Variants in GGACT observed in about 807,000 individuals in gnomAD.
GGACT encodes gamma-glutamylaminecyclotransferase.
For missense variants in GGACT, 241 were observed against 233.2 expected, an observed-to-expected ratio of 1.03 and a Z score of -0.22; for synonymous variants, 118 against 115.3, an observed-to-expected ratio of 1.02 and a Z score of -0.15.
At chr13:100,547,324 C>T (rs558173903) in intron 2 of GGACT, among the ~76,000 whole-genome samples, 311 of 152,318 alleles carry the variant, frequency 2.0e-3, no homozygotes, top group Middle Eastern at 3.4e-3. Flanking sequence ...TACTTGCTGC[C>T]GCAGACACAG....
intron 2 of GGACT, among the ~76,000 whole-genome samples, chr13:100,554,578 G>A (rs941124427): frequency 4.6e-5 from 7 of 152,098 alleles, no homozygotes; most frequent in East Asian, 1.9e-4. Flanking sequence ...AAGGAATCAC[G>A]ATTAATATTT....
At chr13:100,585,277 A>G (rs1003340904) in intron 1 of GGACT, among the ~76,000 whole-genome samples, 5 of 152,194 alleles carry the variant, frequency 3.3e-5, no homozygotes, top group African/African-American at 4.8e-5. Flanking sequence ...CTGTGGGTGG[A>G]TTTTAAAACA....
intron 2 of GGACT, chr13:100,539,517 T>C (rs931528761): frequency 4.6e-6 from 1 of 216,204 alleles, no homozygotes; most frequent in East Asian, 1.1e-4. Context: ...ATTGATTTTC[T>C]TATATTGAAA....
chr13:100,532,138 T>C lies in GGACT; in HGVS notation c.454A>G (p.Asn152Asp). 6.9e-7 allele frequency: 1 copy of C among 1,447,496 alleles called. No individual in the cohort carries two copies. Among genetic ancestry groups the C allele is most frequent in the East Asian group, 2.5e-5 (1 of 39,638 alleles). The allele number at this position is 1,447,496 out of a possible 1,614,324, so 89.7% of individuals were successfully genotyped here. A position where few individuals can be genotyped will look rare whatever the true frequency, so the allele number is the denominator to read the frequency against. ...CACCCTGCCCGTCCCCCTTATCTGTTCTCCCGGGGGTTGTAGCGCAGCCCG... is the reference window on the plus strand; with the variant it reads ...CACCCTGCCCGTCCCCCTTATCTGTCCTCCCGGGGGTTGTAGCGCAGCCCG... ...PHGLRYNPRE[N>D]R The change falls in exon 3 of 3, where the codon AAC becomes GAC. Residue 152 changes from asparagine (N) to aspartate (D), a missense_variant. Coordinates refer to ENST00000683975, the MANE Select transcript of GGACT (RefSeq NM_001195087.2).
rs1470536889 is a variant in GGACT at position 100,550,342 on chromosome 13, ACACACACACAC to A, written c.-10-17752_-10-17742del. On this transcript the variant is annotated intron_variant, in intron 2 of 2. Coordinates refer to ENST00000683975, the MANE Select transcript of GGACT (RefSeq NM_001195087.2). ...CACACACACACACACACACACACACACACACACACACACCACTGGCCCTTCTAAGGAAACTG... is the reference window on the plus strand; with the variant it reads ...CACACACACACACACACACACACACAACCACTGGCCCTTCTAAGGAAACTG... 5.7e-4 allele frequency among the ~76,000 whole-genome samples: 30 copies of A among 53,060 alleles called. 1 individual carries two copies. The highest frequency in any genetic ancestry group is 1.0e-3 in the Non-Finnish European group (25 of 23,948). 34.8% of individuals were successfully genotyped at this position (53,060 alleles called of 152,430 possible).
rs2088589462 is a variant in GGACT, at chr13:100,544,779, C to T, written c.-10-12178G>A. 2.0e-5 allele frequency among the ~76,000 whole-genome samples: 3 copies of T among 152,242 alleles called. No individual in the cohort carries two copies. In the South Asian group the frequency reaches 6.2e-4, roughly 32 times the overall value. ...ACTTTAAAGGCAATTGTGTTGCCAC[C>T]TTTAAAATGTTCAGTGACCAACAAC... On this transcript the variant is annotated intron_variant, in intron 2 of 2. Coordinates refer to ENST00000683975, the MANE Select transcript of GGACT (RefSeq NM_001195087.2).
intron 2 of GGACT, among the ~76,000 whole-genome samples, chr13:100,583,001 A>T (rs7984709): frequency 0.15 from 22,740 of 152,122 alleles, 1,996 homozygotes; most frequent in Middle Eastern, 0.24. Flanking sequence ...TTTTCTTGGT[A>T]AAAAAAACTG....
At chr13:100,544,538 G>A (rs1470898672) in intron 2 of GGACT, among the ~76,000 whole-genome samples, 1 of 152,160 alleles carries the variant, frequency 6.6e-6, no homozygotes, top group Non-Finnish European at 1.5e-5. Context: ...ATCTGCACCG[G>A]CCCCGGTAAA....
intron 1 of GGACT, among the ~76,000 whole-genome samples, chr13:100,587,881 C>T (rs2153017921): frequency 6.6e-6 from 1 of 152,240 alleles, no homozygotes; most frequent in East Asian, 1.9e-4. Context: ...CAAAAATAAG[C>T]TGGGCGTGAT....
At chr13:100,567,567 T>C (rs192004860) in intron 2 of GGACT, among the ~76,000 whole-genome samples, 6 of 152,382 alleles carry the variant, frequency 3.9e-5, no homozygotes, top group Non-Finnish European at 8.8e-5. Flanking sequence ...TGCCAAGATC[T>C]GGGTGCAGGG....
At chr13:100,544,781 T>G (rs1283730121) in intron 2 of GGACT, among the ~76,000 whole-genome samples, 1 of 152,234 alleles carries the variant, frequency 6.6e-6, no homozygotes, top group Non-Finnish European at 1.5e-5. Context: ...GTTGCCACCT[T>G]TAAAATGTTC....
intron 2 of GGACT, among the ~76,000 whole-genome samples, chr13:100,542,733 A>G (rs932029966): frequency 6.6e-6 from 1 of 152,208 alleles, no homozygotes; most frequent in African/African-American, 2.4e-5. Flanking sequence ...TCCAGGGGAC[A>G]GCATGGAGGT....
At chr13:100,565,618 T>C (rs998655105) in intron 2 of GGACT, among the ~76,000 whole-genome samples, 9 of 152,174 alleles carry the variant, frequency 5.9e-5, no homozygotes, top group African/African-American at 1.9e-4. Flanking sequence ...TGTTTTACGT[T>C]GATGATGACG....
intron 2 of GGACT, among the ~76,000 whole-genome samples, chr13:100,544,279 T>A (rs1158910672): frequency 6.6e-6 from 1 of 152,226 alleles, no homozygotes; most frequent in Non-Finnish European, 1.5e-5. Context: ...AAAAACAAAA[T>A]GCCTTGAACT....
intron 2 of GGACT, chr13:100,580,089 C>T (rs988324540): frequency 2.0e-5 from 3 of 152,252 alleles, no homozygotes; most frequent in Admixed American, 6.5e-5. Flanking sequence ...AAACACACCT[C>T]GGGGATTGGC....
intron 2 of GGACT, among the ~76,000 whole-genome samples, chr13:100,543,196 G>GATTTTT (rs1566530390): frequency 1.6e-5 from 1 of 63,666 alleles, no homozygotes; most frequent in African/African-American, 6.5e-5. Context: ...AAAGACACCA[G>GATTTTT]CTTTTTTTTT....
At chr13:100,554,389 G>A (rs567223000) in intron 2 of GGACT, among the ~76,000 whole-genome samples, 72 of 152,284 alleles carry the variant, frequency 4.7e-4, no homozygotes, top group African/African-American at 1.7e-3. Flanking sequence ...TTATAAGACA[G>A]TTTATTGCAT....
intron 2 of GGACT, among the ~76,000 whole-genome samples, chr13:100,566,498 G>A (rs139399661): frequency 2.6e-4 from 40 of 152,290 alleles, no homozygotes; most frequent in Middle Eastern, 3.4e-3. Flanking sequence ...GTCTCTCACC[G>A]TGAGCCCTAG....
At chr13:100,561,855 G>A (rs562444036) in intron 2 of GGACT, among the ~76,000 whole-genome samples, 1 of 152,228 alleles carries the variant, frequency 6.6e-6, no homozygotes, top group Non-Finnish European at 1.5e-5. Flanking sequence ...TTCCCAGAGT[G>A]GGGGAGTGGG....
Sources: gnomAD v4.1 joint callset for allele counts (sites outside exome capture counted in the v4.1 genomes callset) on GRCh38, gnomAD v4.1.1 for gene constraint, MANE v1.5 for transcripts, NCBI Gene and HGNC (gene_info 2026-07-23, HGNC 2026-07-21) for gene names.